IQCM: variants seen among roughly 807,000 people sequenced by gnomAD.
IQCM encodes the protein IQ domain-containing protein M.
Under a neutral mutation model 57.6 loss-of-function variants are expected in IQCM, and 45 were observed. That is an observed-to-expected ratio of 0.78 (90% CI 0.62 to 1.00). IQCM has a LOEUF of 1.00. IQCM is among the 50% of genes least tolerant of loss of function. IQCM has a pLI of 0.00. For synonymous variants in IQCM, 148 were observed against 158.9 expected (o/e 0.93, Z 0.51); for missense variants, 468 against 511.6 (o/e 0.91, Z 0.82).
chr4:149,669,093 A>G (rs543928881), intron 7 of IQCM, among the ~76,000 whole-genome samples: 1 of 152,204 alleles, frequency 6.6e-6, no homozygotes, highest in African/African-American at 2.4e-5. Context: ...CAGTCCCACC[A>G]ACAGTGTAAA....
chr4:149,532,539 G>GA (rs948564793), intron 12 of IQCM, among the ~76,000 whole-genome samples: 4 of 124,426 alleles, frequency 3.2e-5, no homozygotes, highest in African/African-American at 8.9e-5. Context: ...CCCAAGACAA[G>GA]AAAAAAAAAG....
chr4:149,614,569 C>T (rs912552623), intron 8 of IQCM, among the ~76,000 whole-genome samples: 2 of 152,150 alleles, frequency 1.3e-5, no homozygotes, highest in Non-Finnish European at 2.9e-5. Context: ...TTGCAAAGTG[C>T]ATGTATTCAT....
chr4:149,492,246 C>G (rs1021886467), intron 12 of IQCM, among the ~76,000 whole-genome samples: 8 of 151,920 alleles, frequency 5.3e-5, no homozygotes, highest in Admixed American at 4.6e-4. Context: ...GGTCTTTGAT[C>G]AAAGTAAGTG....
At chr4:149,627,520 G>T (rs548798718) in intron 7 of IQCM, among the ~76,000 whole-genome samples, 1 of 152,222 alleles carries the variant, frequency 6.6e-6, no homozygotes, top group Non-Finnish European at 1.5e-5. Context: ...CACATTACCT[G>T]ACCTATGCTG....
chr4:149,371,364 C>G (rs1730357914), intron 13 of IQCM, among the ~76,000 whole-genome samples: 1 of 152,134 alleles, frequency 6.6e-6, no homozygotes, highest in Non-Finnish European at 1.5e-5. Context: ...AGATTTCTCT[C>G]CAATGTAGTA....
At chr4:149,426,357 C>A (rs1734460930) in intron 13 of IQCM, among the ~76,000 whole-genome samples, 1 of 151,984 alleles carries the variant, frequency 6.6e-6, no homozygotes, top group Admixed American at 6.6e-5. Flanking sequence ...CCACACTCAG[C>A]ATCCAGTGTC....
chr4:149,612,723 A>G (rs1312858842), intron 8 of IQCM, among the ~76,000 whole-genome samples: 2 of 152,050 alleles, frequency 1.3e-5, no homozygotes, highest in East Asian at 3.9e-4. Context: ...TAGTTTTTTC[A>G]AAGTAAATAT....
chr4:149,776,445 A>G (rs1364868474), intron 2 of IQCM, among the ~76,000 whole-genome samples: 1 of 152,164 alleles, frequency 6.6e-6, no homozygotes, highest in African/African-American at 2.4e-5. Context: ...CAAATCTAAT[A>G]TCTTTCCACT....
intron 5 of IQCM, among the ~76,000 whole-genome samples, chr4:149,687,870 G>T (rs1762661319): frequency 6.6e-6 from 1 of 151,926 alleles, no homozygotes; most frequent in Non-Finnish European, 1.5e-5. Context: ...CTCAATAGAT[G>T]CAGAAAAAGC....
intron 12 of IQCM, among the ~76,000 whole-genome samples, chr4:149,524,929 A>G (rs1040072583): frequency 2.6e-5 from 4 of 151,832 alleles, no homozygotes; most frequent in Admixed American, 1.3e-4. Flanking sequence ...ATAAACCAAT[A>G]GTGGTACCAT....
intron 9 of IQCM, among the ~76,000 whole-genome samples, chr4:149,583,728 A>G (rs997097601): frequency 2.0e-5 from 3 of 151,628 alleles, no homozygotes; most frequent in African/African-American, 7.2e-5. Flanking sequence ...TCTTATGGAA[A>G]ATAAAAGAAC....
chr4:149,363,676 T>A (rs1440358504), intron 13 of IQCM, among the ~76,000 whole-genome samples: 1 of 152,180 alleles, frequency 6.6e-6, no homozygotes, highest in Non-Finnish European at 1.5e-5. Flanking sequence ...AGTTTACCAA[T>A]TTTGAAACAT....
chr4:149,379,588 G>T (rs1236337535), intron 13 of IQCM, among the ~76,000 whole-genome samples: 5 of 152,150 alleles, frequency 3.3e-5, no homozygotes, highest in African/African-American at 9.7e-5. Flanking sequence ...CTTCCATTTG[G>T]AATAGCTGTA....
chr4:149,481,701 G>GTTTTGTTTTTTTTTTTTTTTTT (rs1740817619), intron 12 of IQCM, among the ~76,000 whole-genome samples: 1 of 51,580 alleles, frequency 1.9e-5, no homozygotes, highest in African/African-American at 7.6e-5. Flanking sequence ...TTCCAGTTTT[G>GTTTTGTTTTTTTTTTTTTTTTT]TTTTTTTTTT....
At chr4:149,571,300 A>G (rs1287414746) in intron 9 of IQCM, among the ~76,000 whole-genome samples, 1 of 152,134 alleles carries the variant, frequency 6.6e-6, no homozygotes, top group Non-Finnish European at 1.5e-5. Context: ...ACAATGGAAT[A>G]CTATTCAGCC....
intron 5 of IQCM, among the ~76,000 whole-genome samples, chr4:149,703,814 C>T (rs1473467177): frequency 6.6e-6 from 1 of 151,814 alleles, no homozygotes; most frequent in Non-Finnish European, 1.5e-5. Flanking sequence ...TGGTCAAATG[C>T]TTAGTAGCTG....
In IQCM at chr4:149,673,978, T is replaced by C. The variant is rs912199968; in HGVS notation, c.565+8140A>G. Among the ~76,000 whole-genome samples, 4 of 152,276 alleles carry C rather than the reference T, an allele frequency of 2.6e-5. No homozygotes were observed. In the South Asian group the frequency reaches 6.2e-4, roughly 24 times the overall value. ...CCCTGTGTAATATAGCTTTCTTTTATTTTCTGAATTTAATTATTTACACTT... is the reference window on the plus strand; with the variant it reads ...CCCTGTGTAATATAGCTTTCTTTTACTTTCTGAATTTAATTATTTACACTT... On this transcript the variant is annotated intron_variant, in intron 7 of 13. Transcript: ENST00000636793.
chr4:149,594,885 C>G lies in IQCM; in HGVS notation c.682-6888G>C, dbSNP rs771943102. Reference sequence around the variant, plus strand: ...AGTGCTTTACTTCCAACTATGTGGTCAATTTTGGAATAAGTGTGATGTCAT... The same window carrying G: ...AGTGCTTTACTTCCAACTATGTGGTGAATTTTGGAATAAGTGTGATGTCAT... On this transcript the variant is annotated intron_variant, in intron 8 of 13. Coordinates refer to ENST00000636793, the MANE Select transcript of IQCM (RefSeq NM_001363507.2). Among the ~76,000 whole-genome samples, 15 of 152,166 alleles carry G rather than the reference C, an allele frequency of 9.9e-5. No homozygotes were observed. The South Asian group carries it at 1.2e-3, about 13-fold the overall frequency.
intron 12 of IQCM, among the ~76,000 whole-genome samples, chr4:149,504,445 C>T (rs1283327584): frequency 2.0e-5 from 3 of 152,054 alleles, no homozygotes; most frequent in African/African-American, 7.2e-5. Flanking sequence ...TGTGTGCTCC[C>T]CTCTCCCAAT....
Sources: allele counts gnomAD v4.1 joint callset (sites outside exome capture counted in the v4.1 genomes callset), GRCh38; gene constraint gnomAD v4.1.1; transcripts MANE v1.5; gene names NCBI Gene and HGNC (gene_info 2026-07-23, HGNC 2026-07-21).